The following INPP5A variants were observed in gnomAD, a reference collection of about 807,000 sequenced individuals.
The protein encoded by INPP5A is 43 kDa inositol polyphosphate 5-phophatase.
In INPP5A, 14 loss-of-function variants were observed where a neutral mutation model predicts 65.2. That is an observed-to-expected ratio of 0.21 (90% CI 0.14 to 0.34). INPP5A has a LOEUF of 0.34. Among genes scored for constraint, INPP5A ranks in the 10% least tolerant of loss-of-function variants. INPP5A has a pLI of 1.00. For missense variants in INPP5A, 431 were observed against 545.6 expected (o/e 0.79, Z 2.09); for synonymous variants, 207 against 208.3 (o/e 0.99, Z 0.05).
At chr10:132,768,280 C>T (rs1278642550) in intron 12 of INPP5A, among the ~76,000 whole-genome samples, 10 of 143,944 alleles carry the variant, frequency 6.9e-5, no homozygotes, top group African/African-American at 2.3e-4. Context: ...CAGAAAGATC[C>T]GTGGACCCCG....
At chr10:132,539,911 C>G (rs185734840) in intron 1 of INPP5A, among the ~76,000 whole-genome samples, 2 of 152,318 alleles carry the variant, frequency 1.3e-5, no homozygotes, top group East Asian at 3.9e-4. Flanking sequence ...TTTTAACTTC[C>G]AGGTGCCCAT....
chr10:132,707,799 AGGCATCGGTGGGTGAAC>A lies in INPP5A; in HGVS notation c.475-498_475-482del, dbSNP rs1401365154. Among the ~76,000 whole-genome samples, 4 of 150,970 alleles carry A rather than the reference AGGCATCGGTGGGTGAAC, an allele frequency of 2.6e-5. No individual in the cohort carries two copies. Among genetic ancestry groups the A allele is most frequent in the East Asian group, 1.9e-4 (1 of 5,160 alleles). On this transcript the variant is annotated intron_variant, in intron 6 of 15. Transcript: ENST00000368594. The surrounding 1 kb of genome is among the most constrained non-coding windows in gnomAD (Gnocchi z 5.5). ...TCAGTGAGAGGCATCGGTGGGTGAG[AGGCATCGGTGGGTGAAC>A]GGCATCGGTGGGTGAGAGGCATCGG...
chr10:132,604,725 G>T (rs779046241), intron 1 of INPP5A, among the ~76,000 whole-genome samples: 1 of 152,232 alleles, frequency 6.6e-6, no homozygotes, highest in Non-Finnish European at 1.5e-5. Context: ...ATGGAAAAAC[G>T]CTGGGATTAG....
At chr10:132,664,977 G>A (rs113113609) in intron 4 of INPP5A, among the ~76,000 whole-genome samples, 8 of 152,264 alleles carry the variant, frequency 5.3e-5, no homozygotes, top group East Asian at 3.9e-4. Context: ...CAACTGAGGC[G>A]TTGAGCAGTC....
chr10:132,778,320 T>C (rs1847099515), intron 13 of INPP5A, among the ~76,000 whole-genome samples: 1 of 142,586 alleles, frequency 7.0e-6, no homozygotes, highest in African/African-American at 2.6e-5. Flanking sequence ...TTTTTTTTTT[T>C]TTTTTTTTTT....
intron 4 of INPP5A, among the ~76,000 whole-genome samples, chr10:132,686,372 G>A (rs978432831): frequency 6.6e-6 from 1 of 152,360 alleles, no homozygotes; most frequent in South Asian, 2.1e-4. Context: ...TACGTAAAAA[G>A]TATTTTGTTT....
At chr10:132,629,493 G>A (rs117109397) in intron 2 of INPP5A, among the ~76,000 whole-genome samples, 2,307 of 152,324 alleles carry the variant, frequency 0.015, 32 homozygotes, top group South Asian at 0.039. Flanking sequence ...CATGCATAGC[G>A]GAAGATTGGC....
intron 1 of INPP5A, among the ~76,000 whole-genome samples, chr10:132,588,012 CAA>C (rs796469034): frequency 2.3e-4 from 13 of 55,888 alleles, no homozygotes; most frequent in Admixed American, 6.0e-4. Context: ...AACTCCATCT[CAA>C]AAAAAAAAAA....
intron 8 of INPP5A, 28 bp from the exon 9 acceptor site, chr10:132,726,793 C>T (rs745654961): frequency 7.7e-6 from 12 of 1,554,468 alleles, no homozygotes; most frequent in African/African-American, 1.4e-5. Flanking sequence ...TCAGCGCCCT[C>T]GGTAACAAGT....
At chr10:132,572,827 G>C (rs1471800517) in intron 1 of INPP5A, among the ~76,000 whole-genome samples, 2 of 152,172 alleles carry the variant, frequency 1.3e-5, no homozygotes, top group Non-Finnish European at 2.9e-5. Flanking sequence ...TGTTTCCCTT[G>C]CTCTGCTGAT....
At chr10:132,718,392 G>T (rs1231905265) in intron 8 of INPP5A, among the ~76,000 whole-genome samples, 1 of 145,620 alleles carries the variant, frequency 6.9e-6, no homozygotes, top group African/African-American at 2.5e-5. Flanking sequence ...CTGTCTGGGC[G>T]CCTTAGACGA....
intron 9 of INPP5A, among the ~76,000 whole-genome samples, chr10:132,736,606 C>T (rs1399517134): frequency 6.6e-6 from 1 of 152,214 alleles, no homozygotes; most frequent in East Asian, 1.9e-4. Flanking sequence ...GAGGCAGGAT[C>T]CCAGCACCTG....
chr10:132,548,936 A>C (rs1333881907), intron 1 of INPP5A, among the ~76,000 whole-genome samples: 1 of 151,638 alleles, frequency 6.6e-6, no homozygotes, highest in Non-Finnish European at 1.5e-5. Context: ...AGCTGGGGCC[A>C]CAGGCGCGGC....
chr10:132,596,872 T>C (rs1199107954), intron 1 of INPP5A, among the ~76,000 whole-genome samples: 4 of 144,866 alleles, frequency 2.8e-5, no homozygotes, highest in African/African-American at 1.0e-4. Context: ...TGTGTGCATG[T>C]GTGTGCATGC....
At chr10:132,600,508 T>C (rs1346742828) in intron 1 of INPP5A, among the ~76,000 whole-genome samples, 2 of 152,232 alleles carry the variant, frequency 1.3e-5, no homozygotes, top group African/African-American at 4.8e-5. Flanking sequence ...TTCCAAACTT[T>C]CCCACATTTT....
chr10:132,661,877 A>G (rs973213337), intron 4 of INPP5A, among the ~76,000 whole-genome samples: 27 of 152,218 alleles, frequency 1.8e-4, no homozygotes, highest in Admixed American at 6.5e-4. Context: ...GTGGCCCACT[A>G]TTGATCTTTG....
intron 7 of INPP5A, among the ~76,000 whole-genome samples, chr10:132,709,847 C>A (rs907516410): frequency 2.0e-5 from 3 of 152,222 alleles, no homozygotes; most frequent in East Asian, 3.8e-4. Flanking sequence ...CAGGCCTTGC[C>A]GAGTCCATGT....
At chr10:132,610,241 CG>C (rs1353986693) in intron 2 of INPP5A, among the ~76,000 whole-genome samples, 2 of 152,200 alleles carry the variant, frequency 1.3e-5, no homozygotes, top group Non-Finnish European at 2.9e-5. Flanking sequence ...CCGGAAAGGT[CG>C]ATGTGGAGGA....
chr10:132,657,118 G>T (rs1244630230), intron 4 of INPP5A, among the ~76,000 whole-genome samples: 2 of 152,240 alleles, frequency 1.3e-5, no homozygotes, highest in Admixed American at 6.5e-5. Context: ...ATGGCCCCAT[G>T]CACTTGCTAA....
Sources: allele counts gnomAD v4.1 joint callset (sites outside exome capture counted in the v4.1 genomes callset), GRCh38; gene constraint gnomAD v4.1.1; non-coding constraint Gnocchi (gnomAD v3.1); transcripts MANE v1.5; gene names NCBI Gene and HGNC (gene_info 2026-07-23, HGNC 2026-07-21).